The following SUMO2 variants were observed in gnomAD, a reference collection of about 807,000 sequenced individuals.
The protein encoded by SUMO2 is small ubiquitin like modifier 2.
In SUMO2, 1 loss-of-function variant was observed where a neutral mutation model predicts 16.0. That is an observed-to-expected ratio of 0.06 (90% CI 0.02 to 0.30). SUMO2 has a LOEUF of 0.30. Ranked by LOEUF, SUMO2 falls within the 10% of genes least tolerant of loss-of-function variation. The pLI is 1.00. For synonymous variants in SUMO2, 36 were observed against 40.6 expected (o/e 0.89, Z 0.43); for missense variants, 16 against 117.5 (o/e 0.14, Z 3.99).
At chr17:75,179,729 G>A (rs2074812268) in intron 2 of SUMO2, among the ~76,000 whole-genome samples, 1 of 149,060 alleles carries the variant, frequency 6.7e-6, no homozygotes, top group South Asian at 2.1e-4. Flanking sequence ...GTGTGATCTT[G>A]GCTCACTGCA....
chr17:75,171,562 G>A (rs1308094286), intron 3 of SUMO2, among the ~76,000 whole-genome samples: 1 of 151,962 alleles, frequency 6.6e-6, no homozygotes, highest in Non-Finnish European at 1.5e-5. Context: ...GGCCTGCTAA[G>A]ATGTTTTAAT....
intron 2 of SUMO2, among the ~76,000 whole-genome samples, chr17:75,175,467 C>T (rs944116776): frequency 5.3e-5 from 8 of 151,272 alleles, no homozygotes; most frequent in African/African-American, 1.9e-4. Flanking sequence ...ACTAGGCAGG[C>T]GCCACCATGC....
chr17:75,175,456 G>T (rs1382033639), intron 2 of SUMO2, among the ~76,000 whole-genome samples: 1 of 151,324 alleles, frequency 6.6e-6, no homozygotes, highest in East Asian at 1.9e-4. Flanking sequence ...GATTAGCTGG[G>T]ACTAGGCAGG....
At chr17:75,173,091 T>C (rs575999467) in intron 3 of SUMO2, among the ~76,000 whole-genome samples, 4 of 152,354 alleles carry the variant, frequency 2.6e-5, no homozygotes, top group African/African-American at 7.2e-5. Context: ...GGTGATAAAG[T>C]TGAAATTCAA....
intron 1 of SUMO2, chr17:75,182,510 G>T: frequency 4.2e-6 from 1 of 238,434 alleles, no homozygotes; most frequent in South Asian, 1.8e-4. Context: ...CGGCCGGCTG[G>T]GCCAAGAATC....
At chr17:75,170,719 AG>A (rs1192790923) in intron 3 of SUMO2, among the ~76,000 whole-genome samples, 2 of 150,048 alleles carry the variant, frequency 1.3e-5, no homozygotes, top group Non-Finnish European at 3.0e-5. Context: ...GCATGGTGGC[AG>A]GTGCCTGTAA....
chr17:75,180,569 T>C (rs1598229487), intron 2 of SUMO2, among the ~76,000 whole-genome samples: 1 of 149,152 alleles, frequency 6.7e-6, no homozygotes. Context: ...AAAAAAAAAA[T>C]TGGCCAGGCC....
In SUMO2 at chr17:75,172,673, C is replaced by A. The variant is rs138122032; in HGVS notation, c.225+2079G>T. ...TATTTTTAGTAGAGACGGGGTTTCT[C>A]CATGTTGGTCGGAGTGGTCTCAAAC... On this transcript the variant is annotated intron_variant, in intron 3 of 3. Coordinates refer to ENST00000420826, the MANE Select transcript of SUMO2 (RefSeq NM_006937.4). Among the ~76,000 whole-genome samples, 125 of 152,076 alleles carry A rather than the reference C, an allele frequency of 8.2e-4. 1 individual carries two copies. The East Asian group carries it at 0.023, about 28-fold the overall frequency.
At chr17:75,171,547 C>G (rs1212976914) in intron 3 of SUMO2, among the ~76,000 whole-genome samples, 3 of 151,826 alleles carry the variant, frequency 2.0e-5, no homozygotes, top group Admixed American at 6.6e-5. Flanking sequence ...GCTGGGGAGG[C>G]AGGAGGCCTG....
chr17:75,174,857 A>C, intron 2 of SUMO2, 34 bp from the exon 3 acceptor site: 1 of 1,577,382 alleles, frequency 6.3e-7, no homozygotes, highest in Non-Finnish European at 8.7e-7. Context: ...AAACAGCATT[A>C]AGAGAAACAG....
chr17:75,180,419 A>C (rs1174126303), intron 2 of SUMO2, among the ~76,000 whole-genome samples: 2 of 144,214 alleles, frequency 1.4e-5, no homozygotes, highest in South Asian at 4.3e-4. Flanking sequence ...AAAAAAAAAA[A>C]AACGACTTCT....
intron 2 of SUMO2, among the ~76,000 whole-genome samples, chr17:75,178,849 G>A (rs1205062361): frequency 4.6e-5 from 7 of 151,950 alleles, no homozygotes; most frequent in Admixed American, 4.6e-4. Context: ...CAGTGACTTG[G>A]GAGGCTGAGG....
At chr17:75,180,821 A>G (rs2074823405) in intron 2 of SUMO2, among the ~76,000 whole-genome samples, 1 of 152,160 alleles carries the variant, frequency 6.6e-6, no homozygotes, top group African/African-American at 2.4e-5. Flanking sequence ...ATTATTGTAA[A>G]TATAATTTGA....
At chr17:75,170,314 A>C (rs1012291980) in intron 3 of SUMO2, among the ~76,000 whole-genome samples, 1 of 152,062 alleles carries the variant, frequency 6.6e-6, no homozygotes, top group Admixed American at 6.6e-5. Flanking sequence ...GCTCACGCCT[A>C]TAATCCCAAC....
intron 3 of SUMO2, among the ~76,000 whole-genome samples, chr17:75,169,585 G>A (rs1042085743): frequency 6.6e-6 from 1 of 151,790 alleles, no homozygotes; most frequent in African/African-American, 2.4e-5. Context: ...GGGTTTCACC[G>A]TGTTAGCCAG....
chr17:75,171,087 C>T (rs753132437), intron 3 of SUMO2, among the ~76,000 whole-genome samples: 101 of 150,680 alleles, frequency 6.7e-4, no homozygotes, highest in Non-Finnish European at 5.2e-4. Context: ...AAAAAAAGTA[C>T]ACCCCAAGGA....
In SUMO2 at chr17:75,173,069, T is replaced by C. The variant is rs567182415; in HGVS notation, c.225+1683A>G. Among the ~76,000 whole-genome samples the C allele has an allele frequency of 1.1e-4, 17 of 152,376 alleles. No homozygotes were observed. In the South Asian group the frequency reaches 3.5e-3, roughly 32 times the overall value. On this transcript the variant is annotated intron_variant, in intron 3 of 3. Transcript: ENST00000420826. The stretch of plus-strand genomic sequence containing the variant: ...GCTTCATGCCACATTTATCACTTTC[T>C]AGTTTTTACTGGGTGATAAAGTTGA...
At chr17:75,174,852 G>A in intron 2 of SUMO2, 29 bp from the exon 3 acceptor site, 1 of 1,590,036 alleles carries the variant, frequency 6.3e-7, no homozygotes, top group Non-Finnish European at 8.6e-7. Flanking sequence ...GCAATAAACA[G>A]CATTAAGAGA....
At chr17:75,180,104 G>A (rs1485225669) in intron 2 of SUMO2, among the ~76,000 whole-genome samples, 2 of 151,980 alleles carry the variant, frequency 1.3e-5, no homozygotes, top group South Asian at 2.1e-4. Flanking sequence ...ACTCTGAGAG[G>A]CCAAGGTGGG....
Sources: allele counts gnomAD v4.1 joint callset (sites outside exome capture counted in the v4.1 genomes callset), GRCh38; gene constraint gnomAD v4.1.1; transcripts MANE v1.5; gene names NCBI Gene and HGNC (gene_info 2026-07-23, HGNC 2026-07-21).